TRPM3: variants seen among roughly 807,000 people sequenced by gnomAD.
TRPM3 encodes the protein long transient receptor potential channel 3.
In TRPM3, 77 loss-of-function variants were observed where a neutral mutation model predicts 181.2. The ratio of observed to expected loss-of-function variants is 0.42; its 90% CI spans 0.35 to 0.51. TRPM3 has a LOEUF of 0.51. TRPM3 is among the 20% of genes least tolerant of loss of function. The pLI, the probability that TRPM3 is intolerant of heterozygous loss-of-function variation, is 0.01. For missense variants in TRPM3, 1,759 were observed against 2,196.7 expected (o/e 0.80, Z 3.98); for synonymous variants, 745 against 796.4 (o/e 0.94, Z 1.09).
chr9:70,948,061 C>T (rs1353098355), intron 1 of TRPM3, among the ~76,000 whole-genome samples: 1 of 149,788 alleles, frequency 6.7e-6, no homozygotes, highest in East Asian at 1.9e-4. Flanking sequence ...AAAACACCAG[C>T]CTTAGTATCA....
intron 22 of TRPM3, among the ~76,000 whole-genome samples, chr9:70,557,123 C>T (rs2047904062): frequency 6.6e-6 from 1 of 152,166 alleles, no homozygotes; most frequent in South Asian, 2.1e-4. Context: ...TCTTAAAGAA[C>T]TTGTAATTTG....
At position 71,057,617 on chromosome 9, in the gene TRPM3, A is replaced by G. The variant is rs138489684; in HGVS notation, c.177+63561T>C. Among the ~76,000 whole-genome samples the G allele has an allele frequency of 1.8e-3, 281 of 152,186 alleles. 1 individual carries two copies. The highest frequency in any genetic ancestry group is 6.5e-3 in the African/African-American group (269 of 41,534). On this transcript the variant is annotated intron_variant, in intron 1 of 25. Transcript: ENST00000677713. ...TAGCTCTAATCCTCAGACCTATCCT[A>G]AAAGTTAAGTGTTATCATTTGCCTT...
intron 18 of TRPM3, among the ~76,000 whole-genome samples, chr9:70,612,923 A>G (rs2062194365): frequency 6.6e-6 from 1 of 152,150 alleles, no homozygotes; most frequent in Non-Finnish European, 1.5e-5. Flanking sequence ...CATCTTGGAG[A>G]GTGGCATTTT....
intron 1 of TRPM3, among the ~76,000 whole-genome samples, chr9:71,023,446 T>A (rs1279153279): frequency 1.3e-5 from 2 of 152,184 alleles, no homozygotes; most frequent in South Asian, 4.1e-4. Flanking sequence ...GAACTAAACA[T>A]CAGCTATTAT....
intron 1 of TRPM3, among the ~76,000 whole-genome samples, chr9:71,178,854 G>T (rs2134880792): frequency 6.6e-6 from 1 of 152,196 alleles, no homozygotes; most frequent in Non-Finnish European, 1.5e-5. Context: ...CAGACAGGCA[G>T]GGATGTTTCT....
At chr9:70,658,187 T>G (rs966920945) in intron 9 of TRPM3, among the ~76,000 whole-genome samples, 2 of 152,152 alleles carry the variant, frequency 1.3e-5, no homozygotes, top group African/African-American at 4.8e-5. Flanking sequence ...GAAAATTAAG[T>G]CTCCTGTCCC....
chr9:70,841,642 A>T, intron 5 of TRPM3, among the ~76,000 whole-genome samples: 1 of 130,952 alleles, frequency 7.6e-6, no homozygotes, highest in African/African-American at 3.3e-5. Flanking sequence ...ATATATATAT[A>T]TATATATATA....
intron 1 of TRPM3, among the ~76,000 whole-genome samples, chr9:70,879,173 G>T (rs2095933234): frequency 6.6e-6 from 1 of 152,048 alleles, no homozygotes; most frequent in Non-Finnish European, 1.5e-5. Context: ...CAGGGACATA[G>T]AATAACTTCA....
intron 20 of TRPM3, among the ~76,000 whole-genome samples, chr9:70,602,106 C>CTTTTTTTTTTTTTTTT (rs6151027): frequency 7.8e-6 from 1 of 128,204 alleles, no homozygotes; most frequent in Non-Finnish European, 1.6e-5. Context: ...CAAGGCATTC[C>CTTTTTTTTTTTTTTTT]TTTTTTTTTT....
intron 1 of TRPM3, among the ~76,000 whole-genome samples, chr9:71,023,018 C>T (rs1186251135): frequency 6.6e-6 from 1 of 152,088 alleles, no homozygotes; most frequent in African/African-American, 2.4e-5. Context: ...CAAAATTAAA[C>T]ATTTTTCTTC....
At chr9:71,106,953 C>T (rs1359663552) in intron 1 of TRPM3, among the ~76,000 whole-genome samples, 2 of 152,154 alleles carry the variant, frequency 1.3e-5, no homozygotes, top group African/African-American at 4.8e-5. Context: ...GCAATTCCCA[C>T]ATTTAATGAC....
intron 1 of TRPM3, among the ~76,000 whole-genome samples, chr9:70,999,806 G>A (rs1051525456): frequency 6.6e-6 from 1 of 152,042 alleles, no homozygotes; most frequent in East Asian, 1.9e-4. Flanking sequence ...CCTCCTACAG[G>A]CCATCTAAAA....
chr9:71,428,770 G>A (rs1198456581), intron 1 of TRPM3, among the ~76,000 whole-genome samples: 5 of 152,012 alleles, frequency 3.3e-5, no homozygotes, highest in African/African-American at 7.2e-5. Flanking sequence ...GAGCAACAAC[G>A]AAAATGGATT....
intron 8 of TRPM3, among the ~76,000 whole-genome samples, chr9:70,757,839 A>G (rs1373669602): frequency 6.6e-6 from 1 of 152,224 alleles, no homozygotes; most frequent in East Asian, 1.9e-4. Context: ...TCAAAATAAT[A>G]AAAGCTATTT....
chr9:71,131,310 T>C (rs2074359766), intron 1 of TRPM3, among the ~76,000 whole-genome samples: 1 of 152,244 alleles, frequency 6.6e-6, no homozygotes, highest in Admixed American at 6.5e-5. Flanking sequence ...TAGAGAGTCC[T>C]TCCTTGATCT....
intron 7 of TRPM3, among the ~76,000 whole-genome samples, chr9:70,773,923 G>C (rs1414341926): frequency 1.3e-5 from 2 of 152,098 alleles, no homozygotes; most frequent in Non-Finnish European, 2.9e-5. Flanking sequence ...ATAGCTACAG[G>C]GGTATCTATA....
intron 1 of TRPM3, among the ~76,000 whole-genome samples, chr9:70,928,056 C>G (rs1300004972): frequency 6.6e-6 from 1 of 152,000 alleles, no homozygotes; most frequent in African/African-American, 2.4e-5. Flanking sequence ...TAATTGTTCC[C>G]ATATTTGTAG....
intron 1 of TRPM3, among the ~76,000 whole-genome samples, chr9:71,230,327 G>C (rs954251926): frequency 7.6e-4 from 115 of 151,984 alleles, no homozygotes; most frequent in African/African-American, 2.7e-3. Flanking sequence ...GAAAAGTAGT[G>C]GGGGGAATGG....
At chr9:70,822,597 G>C (rs1187072154) in intron 6 of TRPM3, among the ~76,000 whole-genome samples, 1 of 152,044 alleles carries the variant, frequency 6.6e-6, no homozygotes, top group African/African-American at 2.4e-5. Context: ...GTTACAGTTT[G>C]GAATGGTGAA....
Sources: gnomAD v4.1 joint callset for allele counts (sites outside exome capture counted in the v4.1 genomes callset) on GRCh38, gnomAD v4.1.1 for gene constraint, MANE v1.5 for transcripts, NCBI Gene and HGNC (gene_info 2026-07-23, HGNC 2026-07-21) for gene names.